Variants in CNTN4 observed in about 807,000 individuals in gnomAD.
CNTN4 encodes contactin 4.
CNTN4 carries 77 observed loss-of-function variants against 122.5 expected under a neutral mutation model. That is an observed-to-expected ratio of 0.63 (90% CI 0.52 to 0.76). The LOEUF (loss-of-function observed/expected upper bound fraction) is 0.76. Among genes scored for constraint, CNTN4 ranks in the 30% least tolerant of loss-of-function variants. The pLI is 0.00. For missense variants in CNTN4, 1,256 were observed against 1,259.1 expected (o/e 1.00, Z 0.04); for synonymous variants, 512 against 447.0 (o/e 1.15, Z -1.83).
intron 7 of CNTN4, among the ~76,000 whole-genome samples, chr3:2,838,383 C>G (rs2093277251): frequency 6.6e-6 from 1 of 152,074 alleles, no homozygotes; most frequent in African/African-American, 2.4e-5. Context: ...TCTGGTCACC[C>G]TTTCACATAT....
At chr3:2,399,986 A>G (rs996817218) in intron 3 of CNTN4, among the ~76,000 whole-genome samples, 6 of 152,096 alleles carry the variant, frequency 3.9e-5, no homozygotes, top group Non-Finnish European at 5.9e-5. Context: ...AGGAAGAAAT[A>G]TAATTGTGTG....
intron 7 of CNTN4, among the ~76,000 whole-genome samples, chr3:2,823,231 G>GT (rs1398804315): frequency 6.6e-6 from 1 of 152,178 alleles, no homozygotes; most frequent in Non-Finnish European, 1.5e-5. Flanking sequence ...GGTTTCCATT[G>GT]TAACAGATCA....
intron 8 of CNTN4, among the ~76,000 whole-genome samples, chr3:2,871,188 T>G (rs2093780143): frequency 6.6e-6 from 1 of 152,310 alleles, no homozygotes. Context: ...CTCATTGTAC[T>G]TAGTTTTCTC....
chr3:2,919,595 A>T lies in CNTN4; in HGVS notation c.1208-6034A>T, dbSNP rs983515640. 5.9e-5 allele frequency among the ~76,000 whole-genome samples: 9 copies of T among 152,124 alleles called. 1 individual carries two copies. Among genetic ancestry groups the T allele is most frequent in the East Asian group, 3.9e-4 (2 of 5,172 alleles). On this transcript the variant is annotated intron_variant, in intron 12 of 24. Transcript: ENST00000418658. ...GGGTTCTCACTATCATAGTCTAATG[A>T]CTCTCTTCTGTTCATTTAGCAGACT...
In CNTN4 at chr3:2,745,623, C is replaced by A; in HGVS notation, c.284C>A (p.Ala95Asp). The change falls in exon 6 of 25, where the codon GCT becomes GAT. Residue 95 changes from alanine to aspartate, a missense_variant. Physicochemically the swap from Ala to Asp is moderately radical, Grantham distance 126. Transcript: ENST00000418658. ...AATAACCCCAATAAAACCCAAGATGCTGGAACGTACCAGTGCACAGCGACA... is the reference window on the plus strand; with the variant it reads ...AATAACCCCAATAAAACCCAAGATGATGGAACGTACCAGTGCACAGCGACA... ...LINNPNKTQD[A>D]GTYQCTATNS... The A allele has an allele frequency of 6.2e-7, 1 of 1,614,110 alleles. No homozygotes were observed. Among genetic ancestry groups the A allele is most frequent in the African/African-American group, 1.3e-5 (1 of 75,044 alleles).
chr3:2,719,719 G>T (rs1020908715), intron 4 of CNTN4, among the ~76,000 whole-genome samples: 1 of 151,806 alleles, frequency 6.6e-6, no homozygotes, highest in Admixed American at 6.6e-5. Context: ...CCACCACGCT[G>T]GGCCAAGACT....
rs371535354 is a variant in CNTN4, at chr3:2,842,220, A to G, written c.454+22639A>G. Among the ~76,000 whole-genome samples, 10 of 152,292 alleles carry G rather than the reference A, an allele frequency of 6.6e-5. 3 individuals are homozygous for G. The highest frequency in any genetic ancestry group is 1.3e-4 in the Admixed American group (2 of 15,298). ...AGCAGAACAGGGCTGTGTGAAGAGAACCTTGAAACAGATGCTGCAATAATC... is the reference window on the plus strand; with the variant it reads ...AGCAGAACAGGGCTGTGTGAAGAGAGCCTTGAAACAGATGCTGCAATAATC... On this transcript the variant is annotated intron_variant, in intron 7 of 24. Transcript: ENST00000418658.
At chr3:3,008,112 TTAAGA>T (rs1320833627) in intron 14 of CNTN4, among the ~76,000 whole-genome samples, 1 of 152,178 alleles carries the variant, frequency 6.6e-6, no homozygotes, top group African/African-American at 2.4e-5. Flanking sequence ...GTTTCCATAC[TTAAGA>T]TAATGAGTCC....
intron 2 of CNTN4, among the ~76,000 whole-genome samples, chr3:2,166,768 G>A (rs1256279617): frequency 6.6e-6 from 1 of 152,092 alleles, no homozygotes; most frequent in Non-Finnish European, 1.5e-5. Context: ...AGCTCTTAGA[G>A]ACCGTTTAGT....
At chr3:2,290,697 G>C (rs1239892253) in intron 2 of CNTN4, among the ~76,000 whole-genome samples, 1 of 152,184 alleles carries the variant, frequency 6.6e-6, no homozygotes, top group Non-Finnish European at 1.5e-5. Flanking sequence ...GTGTATTGTT[G>C]CGAGGGAACA....
chr3:2,183,354 A>T (rs1225642620), intron 2 of CNTN4, among the ~76,000 whole-genome samples: 1 of 152,174 alleles, frequency 6.6e-6, no homozygotes, highest in African/African-American at 2.4e-5. Context: ...TTTCTTCTAC[A>T]TATGTTTTCT....
intron 3 of CNTN4, among the ~76,000 whole-genome samples, chr3:2,353,509 C>T (rs1033489682): frequency 6.6e-6 from 1 of 152,108 alleles, no homozygotes; most frequent in Non-Finnish European, 1.5e-5. Flanking sequence ...GAGCTATGTC[C>T]TTAAGAGCTG....
chr3:2,293,663 T>C (rs1372796710), intron 2 of CNTN4, among the ~76,000 whole-genome samples: 2 of 152,244 alleles, frequency 1.3e-5, no homozygotes, highest in Non-Finnish European at 2.9e-5. Context: ...GGTGCTGTTA[T>C]TACTTTATAT....
rs982757069 is a variant in CNTN4, at chr3:2,385,270, T to G, written c.-89+46037T>G. On this transcript the variant is annotated intron_variant, in intron 3 of 24. Transcript: ENST00000418658. This position sits in a 1 kb window ranked among gnomAD's most constrained non-coding sequence, Gnocchi z 4.0. ...TTATTTTTATTTCTACACTTTTTAT[T>G]TCTACAGTAATATCAAATCACTTAA... Among the ~76,000 whole-genome samples, 1 of 151,412 alleles carries G rather than the reference T, an allele frequency of 6.6e-6. No homozygotes were observed. Among genetic ancestry groups the G allele is most frequent in the Non-Finnish European group, 1.5e-5 (1 of 67,976 alleles).
chr3:2,918,638 A>T (rs2094394978), intron 12 of CNTN4, among the ~76,000 whole-genome samples: 2 of 152,226 alleles, frequency 1.3e-5, no homozygotes, highest in South Asian at 2.1e-4. Context: ...AAGGACTACA[A>T]ACCAAATTCT....
At chr3:2,272,454 A>G (rs2041335632) in intron 2 of CNTN4, among the ~76,000 whole-genome samples, 1 of 152,212 alleles carries the variant, frequency 6.6e-6, no homozygotes, top group Non-Finnish European at 1.5e-5. Context: ...AAGTCATTGA[A>G]TAGAGATACA....
chr3:2,213,609 G>T (rs563855429), intron 2 of CNTN4, among the ~76,000 whole-genome samples: 1 of 152,172 alleles, frequency 6.6e-6, no homozygotes, highest in East Asian at 1.9e-4. Context: ...TATGCAGAGT[G>T]CAGGGTAAGG....
chr3:2,373,317 A>C (rs2045701411), intron 3 of CNTN4, among the ~76,000 whole-genome samples: 1 of 152,230 alleles, frequency 6.6e-6, no homozygotes, highest in Non-Finnish European at 1.5e-5. Context: ...CTAGAGATTA[A>C]TGAAATAATT....
intron 2 of CNTN4, among the ~76,000 whole-genome samples, chr3:2,286,009 T>G (rs2041886952): frequency 2.0e-5 from 3 of 152,190 alleles, no homozygotes; most frequent in Non-Finnish European, 4.4e-5. Flanking sequence ...TTTACGGCAT[T>G]AATACATTTT....
Sources: allele counts gnomAD v4.1 joint callset (sites outside exome capture counted in the v4.1 genomes callset), GRCh38; gene constraint gnomAD v4.1.1; non-coding constraint Gnocchi (gnomAD v3.1); transcripts MANE v1.5; gene names NCBI Gene and HGNC (gene_info 2026-07-23, HGNC 2026-07-21).